Variants in LZTFL1 observed in about 807,000 individuals in gnomAD.
The protein encoded by LZTFL1 is leucine zipper transcription factor like 1.
LZTFL1 carries 25 observed loss-of-function variants against 45.9 expected under a neutral mutation model. The ratio of observed to expected loss-of-function variants is 0.54; its 90% confidence interval spans 0.40 to 0.76. The LOEUF (loss-of-function observed/expected upper bound fraction) is 0.76, where lower values mean the gene tolerates loss of function less well. Ranked by LOEUF, LZTFL1 falls within the 30% of genes least tolerant of loss-of-function variation. The pLI, the probability that LZTFL1 is intolerant of heterozygous loss-of-function variation, is 0.00. For synonymous variants in LZTFL1, 93 were observed against 117.4 expected, an observed-to-expected ratio of 0.79 and a Z score of 1.35; for missense variants, 277 against 331.1, an observed-to-expected ratio of 0.84 and a Z score of 1.27.
intron 2 of LZTFL1, chr3:45,895,035 TG>T: frequency 7.3e-7 from 1 of 1,375,290 alleles, no homozygotes; most frequent in Admixed American, 1.7e-5. Context: ...GGATCCACTG[TG>T]GGGGAAGGAT....
At chr3:45,870,956 A>G (rs1488360956) in intron 2 of LZTFL1, among the ~76,000 whole-genome samples, 2 of 152,266 alleles carry the variant, frequency 1.3e-5, no homozygotes, top group Non-Finnish European at 2.9e-5. Flanking sequence ...CATATTGAAC[A>G]TACCATCTAT....
intron 2 of LZTFL1, among the ~76,000 whole-genome samples, chr3:45,866,842 T>C (rs1452530260): frequency 3.3e-5 from 5 of 152,314 alleles, no homozygotes; most frequent in African/African-American, 4.8e-5. Flanking sequence ...TTTTACATTG[T>C]GTAGCTAAAA....
intron 3 of LZTFL1, among the ~76,000 whole-genome samples, chr3:45,856,875 A>G (rs1181002098): frequency 6.6e-6 from 1 of 152,172 alleles, no homozygotes; most frequent in African/African-American, 2.4e-5. Context: ...GAAACAACAG[A>G]TGCTGGCAAG....
intron 8 of LZTFL1, among the ~76,000 whole-genome samples, chr3:45,828,097 T>TA (rs969840880): frequency 1.8e-4 from 28 of 151,650 alleles, no homozygotes; most frequent in Non-Finnish European, 3.2e-4. Context: ...TAGAAGTCCT[T>TA]AAAAAAAACA....
intron 2 of LZTFL1, among the ~76,000 whole-genome samples, chr3:45,895,873 T>G (rs904504519): frequency 2.0e-5 from 3 of 152,234 alleles, no homozygotes; most frequent in Non-Finnish European, 4.4e-5. Flanking sequence ...GATTTTGCTC[T>G]TCTCCAAGGG....
At chr3:45,879,543 T>C (rs926062098) in intron 2 of LZTFL1, among the ~76,000 whole-genome samples, 4 of 152,158 alleles carry the variant, frequency 2.6e-5, no homozygotes, top group African/African-American at 9.7e-5. Flanking sequence ...AGAGGATCCT[T>C]AGGGCAATGA....
In LZTFL1 at chr3:45,835,701, G is replaced by A. The variant is rs1166287635; in HGVS notation, c.212C>T (p.Ser71Phe). 1 of 1,614,166 alleles carries A rather than the reference G, an allele frequency of 6.2e-7. No individual in the cohort carries two copies. The highest frequency in any genetic ancestry group is 8.5e-7 in the Non-Finnish European group (1 of 1,180,012). Residue 71 changes from serine (S) to phenylalanine (F), a missense_variant, in exon 3 of 10, where the codon TCT (serine) becomes TTT (phenylalanine). Physicochemically the swap from Ser to Phe is radical, Grantham distance 155. Coordinates refer to ENST00000296135, the MANE Select transcript of LZTFL1 (RefSeq NM_020347.4). The stretch of plus-strand genomic sequence containing the variant: ...GGTATAGGCAGTGTTGATGAGCTCA[G>A]ATTCCACCTCACTATGAACCACAGC... ...LQAVVHSEVE[S>F]ELINTAYTNV...
At chr3:45,826,691 C>T (rs1484858511) in intron 9 of LZTFL1, among the ~76,000 whole-genome samples, 1 of 152,214 alleles carries the variant, frequency 6.6e-6, no homozygotes, top group Non-Finnish European at 1.5e-5. Flanking sequence ...CCCTTTCTAG[C>T]TCTGCTCCCC....
At chr3:45,914,094 C>T (rs1273992998) in intron 1 of LZTFL1, among the ~76,000 whole-genome samples, 2 of 152,126 alleles carry the variant, frequency 1.3e-5, no homozygotes, top group Admixed American at 6.5e-5. Flanking sequence ...TTCCAAGATT[C>T]AAGGATCACA....
chr3:45,859,424 G>A (rs765034209), intron 2 of LZTFL1, among the ~76,000 whole-genome samples: 1 of 152,098 alleles, frequency 6.6e-6, no homozygotes, highest in Middle Eastern at 3.4e-3. Flanking sequence ...ACAGCGTCTC[G>A]CTTTTTTGCC....
chr3:45,906,995 T>G (rs1702695711), intron 2 of LZTFL1, among the ~76,000 whole-genome samples: 1 of 152,346 alleles, frequency 6.6e-6, no homozygotes, highest in East Asian at 1.9e-4. Flanking sequence ...CAGGCATTAC[T>G]CACTGCTGTC....
chr3:45,895,420 A>G (rs1179538704), intron 2 of LZTFL1, among the ~76,000 whole-genome samples: 2 of 152,234 alleles, frequency 1.3e-5, no homozygotes, highest in African/African-American at 4.8e-5. Flanking sequence ...AGCAAAAATT[A>G]GTGAGTCAGT....
upstream of LZTFL1, among the ~76,000 whole-genome samples, chr3:45,846,095 G>A (rs1245562595): frequency 6.6e-6 from 1 of 152,166 alleles, no homozygotes; most frequent in African/African-American, 2.4e-5. Flanking sequence ...ACAAACATTT[G>A]TGAGTTCCTA....
intron 5 of LZTFL1, chr3:45,832,763 C>G (rs1467423864): frequency 4.3e-6 from 1 of 231,198 alleles, no homozygotes; most frequent in Non-Finnish European, 8.4e-6. Flanking sequence ...AAAAACCCTT[C>G]TCCTTGTTAC....
intron 2 of LZTFL1, among the ~76,000 whole-genome samples, chr3:45,876,599 C>T (rs140203618): frequency 5.3e-5 from 8 of 152,266 alleles, no homozygotes; most frequent in Non-Finnish European, 1.0e-4. Context: ...ATGTGCCAGG[C>T]GCTGGCTCGA....
In LZTFL1 at chr3:45,825,136, G is replaced by A. The variant is rs1317882217; in HGVS notation, c.*1178C>T. 8.2e-6 allele frequency: 3 copies of A among 365,112 alleles called. No individual in the cohort carries two copies. The highest frequency in any genetic ancestry group is 2.1e-5 in the African/African-American group (1 of 48,084). The allele number at this position is 365,112 out of a possible 1,614,324, so 22.6% of individuals were successfully genotyped here. The stretch of plus-strand genomic sequence containing the variant: ...CTCCAATCAGTAAACTCGTTTCTTG[G>A]AATAAAATCTTCATTTGTGGAAATG... On this transcript the variant is annotated 3_prime_UTR_variant, in exon 10 of 10. Transcript: ENST00000296135.
chr3:45,824,299 A>G lies in LZTFL1; in HGVS notation c.*2015T>C, dbSNP rs1203083424. On this transcript the variant is annotated 3_prime_UTR_variant, in exon 10 of 10. Transcript: ENST00000296135. ...TCTCAGTTAAATTAGATAAGTCTTAAAGTTGGGAAACTACTAAAAACAATA... is the reference window on the plus strand; with the variant it reads ...TCTCAGTTAAATTAGATAAGTCTTAGAGTTGGGAAACTACTAAAAACAATA... The G allele has an allele frequency of 1.3e-5, 2 of 152,184 alleles. No homozygotes were observed. The highest frequency in any genetic ancestry group is 2.9e-5 in the Non-Finnish European group (2 of 68,032). The allele number at this position is 152,184 out of a possible 1,614,324, so 9.4% of individuals were successfully genotyped here. A position where few individuals can be genotyped will look rare whatever the true frequency, so the allele number is the denominator to read the frequency against.
chr3:45,832,899 T>C, intron 5 of LZTFL1, 151 bp downstream of exon 5: 2 of 604,894 alleles, frequency 3.3e-6, no homozygotes. Context: ...TATGCCCTCT[T>C]CTGGCCCATG....
At chr3:45,888,056 A>C (rs1039753356) in intron 2 of LZTFL1, among the ~76,000 whole-genome samples, 10 of 152,216 alleles carry the variant, frequency 6.6e-5, no homozygotes, top group Admixed American at 2.0e-4. Flanking sequence ...GCTGATTTTC[A>C]TGTTGGCTAC....
Sources: allele counts gnomAD v4.1 joint callset (sites outside exome capture counted in the v4.1 genomes callset), GRCh38; gene constraint gnomAD v4.1.1; transcripts MANE v1.5; gene names NCBI Gene and HGNC (gene_info 2026-07-23, HGNC 2026-07-21).